Variants in SYTL2 observed in about 807,000 individuals in gnomAD.
The protein encoded by SYTL2 is synaptotagmin-like protein 2.
A neutral mutation model predicts 198.7 loss-of-function variants in SYTL2; 165 were observed. The observed-to-expected ratio is 0.83, with a 90% CI of 0.73 to 0.94. The LOEUF (loss-of-function observed/expected upper bound fraction) is 0.94, where lower values mean the gene tolerates loss of function less well. SYTL2 is among the 40% of genes least tolerant of loss of function. SYTL2 has a pLI of 0.00. For synonymous variants in SYTL2, 966 were observed against 917.7 expected (o/e 1.05, Z -0.95); for missense variants, 2,835 against 2,582.8 (o/e 1.10, Z -2.12).
chr11:85,743,733 G>A lies in SYTL2; in HGVS notation c.389+1904C>T, dbSNP rs1170482763. 2.0e-5 allele frequency among the ~76,000 whole-genome samples: 3 copies of A among 152,130 alleles called. No individual in the cohort carries two copies. The East Asian group carries it at 5.8e-4, about 29-fold the overall frequency. On this transcript the variant is annotated intron_variant, in intron 4 of 19. Coordinates refer to ENST00000359152, the MANE Select transcript of SYTL2 (RefSeq NM_206927.4). ...CCACGGTTCATGAAGAAAAAGTTAG[G>A]CTATGAGGACAGTGGCACCTCTGAC...
chr11:85,709,133 C>T (rs11234387), intron 14 of SYTL2, among the ~76,000 whole-genome samples, 198 bp downstream of exon 14: 8,556 of 152,014 alleles, frequency 0.056, 293 homozygotes, highest in East Asian at 0.1. Context: ...CCACCGTGCC[C>T]GGCCTTTCTC....
intron 1 of SYTL2, among the ~76,000 whole-genome samples, chr11:85,808,325 A>G (rs952222628): frequency 6.6e-6 from 1 of 152,178 alleles, no homozygotes; most frequent in Non-Finnish European, 1.5e-5. Flanking sequence ...TCGGCCTCCC[A>G]AAGTGCTGGG....
chr11:85,839,762 G>A, the SYTL2 span, among the ~76,000 whole-genome samples: 29 of 152,166 alleles, frequency 1.9e-4, no homozygotes, highest in South Asian at 4.1e-4. Context: ...TACATATCTC[G>A]TCAATATACT....
the SYTL2 span, among the ~76,000 whole-genome samples, chr11:85,852,267 T>C: frequency 6.6e-6 from 1 of 152,216 alleles, no homozygotes; most frequent in Non-Finnish European, 1.5e-5. Flanking sequence ...CATTTCTGTC[T>C]TCCTGGGACA....
rs533767163 is a variant in SYTL2 at position 85,753,037 on chromosome 11, T to G, written c.101+4588A>C. Among the ~76,000 whole-genome samples the G allele has an allele frequency of 3.4e-5, 5 of 146,338 alleles. No individual in the cohort carries two copies. The South Asian group carries it at 6.7e-4, about 20-fold the overall frequency. The stretch of plus-strand genomic sequence containing the variant: ...TCTACTGCAAAAACACCCATCGCTG[T>G]AGATGTGGTTGTGTGTATATGGGGG... On this transcript the variant is annotated intron_variant, in intron 2 of 19. Transcript: ENST00000359152.
At position 85,695,335 on chromosome 11, in the gene SYTL2, T is replaced by C; in HGVS notation, c.6580A>G (p.Ser2194Gly). 6.5e-7 allele frequency: 1 copy of C among 1,541,900 alleles called. No individual in the cohort carries two copies. Among genetic ancestry groups the C allele is most frequent in the African/African-American group, 1.4e-5 (1 of 72,232 alleles). ...ATCCAGTCCACTTCAGTCCCATAACTTTTACCTGAAAAAAGGAAGCTTTGC... is the reference window on the plus strand; with the variant it reads ...ATCCAGTCCACTTCAGTCCCATAACCTTTACCTGAAAAAAGGAAGCTTTGC... ...GLRIGFGTGKSYGTEVDWMDS... is the reference protein window; with the variant it reads ...GLRIGFGTGKGYGTEVDWMDS... Residue 2194 changes from serine to glycine, a missense_variant, in exon 20 of 20, where the codon AGT becomes GGT. Transcript: ENST00000359152.
chr11:85,756,966 G>A (rs1159663918), intron 2 of SYTL2, among the ~76,000 whole-genome samples: 8 of 152,320 alleles, frequency 5.3e-5, no homozygotes, highest in African/African-American at 1.9e-4. Flanking sequence ...GTAAATGGCA[G>A]GGCCTGGACA....
intron 17 of SYTL2, among the ~76,000 whole-genome samples, chr11:85,699,303 G>C (rs369555406): frequency 6.6e-6 from 1 of 152,106 alleles, no homozygotes; most frequent in Non-Finnish European, 1.5e-5. Flanking sequence ...AGGAGAAGAG[G>C]AAGCCATTTC....
chr11:85,721,900 G>C (rs185633634), intron 8 of SYTL2, among the ~76,000 whole-genome samples: 1 of 152,070 alleles, frequency 6.6e-6, no homozygotes, highest in African/African-American at 2.4e-5. Flanking sequence ...TTTGACTACT[G>C]AACCTTTAAT....
rs1565993453 is a variant in SYTL2, at chr11:85,757,647, T to C, written c.79A>G (p.Arg27Gly). The C allele has an allele frequency of 9.3e-6, 15 of 1,613,882 alleles. No homozygotes were observed. Among genetic ancestry groups the C allele is most frequent in the Non-Finnish European group, 1.3e-5 (15 of 1,179,930 alleles). The part of the protein sequence containing the change: ...KVLQRDAALK[R>G]AEEERVRHLP... ...TACCTGACTCTCTCTTCTTCGGCCC[T>C]CTTCAGAGCAGCATCCCGCTGCAAA... The change falls in exon 2 of 20, where the codon AGG (arginine) becomes GGG (glycine). Residue 27 changes from arginine to glycine, a missense_variant. Coordinates refer to ENST00000359152, the MANE Select transcript of SYTL2 (RefSeq NM_206927.4).
At position 85,745,760 on chromosome 11, in the gene SYTL2, TTACTC is replaced by T. The variant is rs1565972388; in HGVS notation, c.261_265del (p.Ser88ArgfsTer13). The T allele has an allele frequency of 6.2e-7, 1 of 1,612,384 alleles. No individual in the cohort carries two copies. Among genetic ancestry groups the T allele is most frequent in the Non-Finnish European group, 8.5e-7 (1 of 1,178,834 alleles). On this transcript the variant is annotated frameshift_variant, in exon 4 of 20. Coordinates refer to ENST00000359152, the MANE Select transcript of SYTL2 (RefSeq NM_206927.4). LOFTEE classifies it high-confidence loss of function. ...TTCCTTTGCCCCATTTTCTCTGTCT[TTACTC>T]TGCTCAGCTGAAACAGGAAACAGTA...
chr11:85,756,132 G>T (rs1242116293), intron 2 of SYTL2, among the ~76,000 whole-genome samples: 1 of 152,188 alleles, frequency 6.6e-6, no homozygotes, highest in Non-Finnish European at 1.5e-5. Context: ...AACATAAGAG[G>T]ATAACATTCA....
At chr11:85,729,817 T>C (rs1187761231) in intron 7 of SYTL2, among the ~76,000 whole-genome samples, 1 of 152,078 alleles carries the variant, frequency 6.6e-6, no homozygotes, top group African/African-American at 2.4e-5. Flanking sequence ...TTCAGGTTTT[T>C]TGAAAAGATC....
intron 1 of SYTL2, among the ~76,000 whole-genome samples, chr11:85,759,636 A>G (rs2153556666): frequency 6.6e-6 from 1 of 152,314 alleles, no homozygotes; most frequent in South Asian, 2.1e-4. Context: ...CTTTTGTATT[A>G]TGTCTCTTTC....
intron 1 of SYTL2, among the ~76,000 whole-genome samples, chr11:85,791,166 CAAAAAAAAAAAAA>C (rs568061365): frequency 5.1e-5 from 2 of 39,530 alleles, no homozygotes; most frequent in South Asian, 1.9e-3. Flanking sequence ...GAGTCTGCCT[CAAAAAAAAAAAAA>C]AAAAAAAAAA....
rs1327921152 is a variant in SYTL2 at position 85,725,957 on chromosome 11, T to C, written c.3401A>G (p.Asp1134Gly). The change falls in exon 8 of 20, where the codon GAC (aspartate) becomes GGC (glycine). Residue 1134 changes from aspartate (D) to glycine (G), a missense_variant. By Grantham distance (94) the Asp-to-Gly change is moderately conservative. Transcript: ENST00000359152. ...TTCTGAAAGCAGTTTCTGCAAGCTG[T>C]CATTAAAAGTGTCTTTGCAGTCTTT... ...LSKDCKDTFNDSLQKLLSETS... is the reference protein window; with the variant it reads ...LSKDCKDTFNGSLQKLLSETS... The C allele has an allele frequency of 6.2e-7, 1 of 1,614,044 alleles. No homozygotes were observed. The highest frequency in any genetic ancestry group is 8.5e-7 in the Non-Finnish European group (1 of 1,180,010).
chr11:85,722,376 A>G (rs369940423), intron 8 of SYTL2, among the ~76,000 whole-genome samples: 18 of 151,998 alleles, frequency 1.2e-4, no homozygotes, highest in East Asian at 7.7e-4. Context: ...GGGTTTCACC[A>G]TGTTAGCCAG....
chr11:85,839,782 T>C, the SYTL2 span, among the ~76,000 whole-genome samples: 1 of 152,210 alleles, frequency 6.6e-6, no homozygotes, highest in Admixed American at 6.5e-5. Flanking sequence ...TGATTTCCTT[T>C]CTTTTGAGTA....
chr11:85,770,561 C>T (rs2092334765), intron 1 of SYTL2, among the ~76,000 whole-genome samples: 1 of 152,154 alleles, frequency 6.6e-6, no homozygotes. Context: ...TCCAAGTTCC[C>T]TATCCAATCT....
Sources: allele counts gnomAD v4.1 joint callset (sites outside exome capture counted in the v4.1 genomes callset), GRCh38; gene constraint gnomAD v4.1.1; transcripts MANE v1.5; gene names NCBI Gene and HGNC (gene_info 2026-07-23, HGNC 2026-07-21).